TTC27: variants seen among roughly 807,000 people sequenced by gnomAD.
The protein encoded by TTC27 is tetratricopeptide repeat protein 27.
TTC27 carries 79 observed loss-of-function variants against 115.9 expected under a neutral mutation model. The ratio of observed to expected loss-of-function variants is 0.68; its 90% CI spans 0.57 to 0.82. The LOEUF is 0.82. TTC27 is among the 40% of genes least tolerant of loss of function. The probability of loss-of-function intolerance (pLI) is 0.00; values close to 1 mark genes in which losing one functional copy is unlikely to be tolerated. For missense variants in TTC27, 1,054 were observed against 993.1 expected (o/e 1.06, Z -0.82); for synonymous variants, 401 against 356.0 (o/e 1.13, Z -1.42).
At chr2:32,636,415 T>C (rs1664429581) in intron 3 of TTC27, among the ~76,000 whole-genome samples, 1 of 152,164 alleles carries the variant, frequency 6.6e-6, no homozygotes. Flanking sequence ...GGTTTCACCA[T>C]GTTGGCCAGG....
At position 32,649,970 on chromosome 2, in the gene TTC27, T is replaced by G. The variant is rs72858147; in HGVS notation, c.538-161T>G. Among the ~76,000 whole-genome samples, 1,182 of 152,156 alleles carry G rather than the reference T, an allele frequency of 7.8e-3. 23 individuals carry two copies. Among genetic ancestry groups the G allele is most frequent in the African/African-American group, 0.027 (1,115 of 41,510 alleles). ...GTTATTCTTATGGAAGACACAGATG[T>G]GGGTTTTGGTATTATTACTGAAGAG... On this transcript the variant is annotated intron_variant, in intron 4 of 19. Coordinates refer to ENST00000317907, the MANE Select transcript of TTC27 (RefSeq NM_017735.5).
intron 9 of TTC27, among the ~76,000 whole-genome samples, chr2:32,700,586 G>A (rs1293671544): frequency 2.0e-5 from 3 of 151,982 alleles, no homozygotes; most frequent in Non-Finnish European, 4.4e-5. Flanking sequence ...TGCCTAGATC[G>A]AAGTGCAGTG....
At chr2:32,639,847 A>G (rs750134209) in intron 3 of TTC27, among the ~76,000 whole-genome samples, 2 of 152,162 alleles carry the variant, frequency 1.3e-5, no homozygotes, top group African/African-American at 4.8e-5. Flanking sequence ...TACTTAAAAT[A>G]CAAAAACTTA....
chr2:32,749,254 A>G (rs1390255318), intron 12 of TTC27, among the ~76,000 whole-genome samples: 1 of 152,214 alleles, frequency 6.6e-6, no homozygotes, highest in East Asian at 1.9e-4. Flanking sequence ...TCAAATAAAG[A>G]TAGTCTTGCA....
At chr2:32,702,020 A>AAAAAAAAC (rs796361003) in intron 9 of TTC27, among the ~76,000 whole-genome samples, 4 of 145,526 alleles carry the variant, frequency 2.7e-5, no homozygotes, top group Admixed American at 6.9e-5. Flanking sequence ...CAAAAAAAAA[A>AAAAAAAAC]AAAAACAAAA....
intron 9 of TTC27, among the ~76,000 whole-genome samples, chr2:32,688,587 T>C (rs1666714782): frequency 6.6e-6 from 1 of 152,054 alleles, no homozygotes; most frequent in African/African-American, 2.4e-5. Context: ...AACCAACCAA[T>C]TAAATATGGA....
chr2:32,764,747 C>T (rs1428823748), intron 13 of TTC27, among the ~76,000 whole-genome samples: 3 of 152,242 alleles, frequency 2.0e-5, no homozygotes, highest in Admixed American at 6.5e-5. Context: ...CTTTATCAAT[C>T]AAGTTTATGT....
chr2:32,648,458 A>T (rs866506244), intron 4 of TTC27, among the ~76,000 whole-genome samples: 18 of 132,970 alleles, frequency 1.4e-4, no homozygotes, highest in South Asian at 4.9e-4. Flanking sequence ...TTTTTTTTTT[A>T]AAACAGACTT....
At chr2:32,635,661 G>A (rs1406188879) in intron 3 of TTC27, among the ~76,000 whole-genome samples, 1 of 152,146 alleles carries the variant, frequency 6.6e-6, no homozygotes, top group African/African-American at 2.4e-5. Context: ...TCCAGCCTGG[G>A]TGACAGAGTG....
intron 1 of TTC27, among the ~76,000 whole-genome samples, chr2:32,629,104 G>A (rs1326497994): frequency 1.3e-5 from 2 of 151,152 alleles, no homozygotes; most frequent in African/African-American, 4.9e-5. Context: ...GTAAGCAGAG[G>A]AGCTAAAATG....
At chr2:32,628,835 G>T (rs1427972307) in intron 1 of TTC27, among the ~76,000 whole-genome samples, 1 of 150,624 alleles carries the variant, frequency 6.6e-6, no homozygotes, top group African/African-American at 2.4e-5. Flanking sequence ...ATCTCGGCTC[G>T]CTGCAACCTC....
At chr2:32,691,237 T>C (rs1255114416) in intron 9 of TTC27, among the ~76,000 whole-genome samples, 1 of 152,122 alleles carries the variant, frequency 6.6e-6, no homozygotes, top group Non-Finnish European at 1.5e-5. Context: ...CAGTGGGAAA[T>C]TGCTAGCTGA....
chr2:32,704,359 G>T (rs1397095528), intron 10 of TTC27, among the ~76,000 whole-genome samples: 1 of 151,852 alleles, frequency 6.6e-6, no homozygotes, highest in African/African-American at 2.4e-5. Flanking sequence ...GCTAATTTTT[G>T]TATTTTTAGT....
At chr2:32,674,564 T>C (rs542032902) in intron 8 of TTC27, among the ~76,000 whole-genome samples, 1 of 152,310 alleles carries the variant, frequency 6.6e-6, no homozygotes, top group South Asian at 2.1e-4. Context: ...AATTCAGTTC[T>C]ACAGTTCCTT....
At chr2:32,709,386 C>T (rs1453767770) in intron 10 of TTC27, among the ~76,000 whole-genome samples, 1 of 152,156 alleles carries the variant, frequency 6.6e-6, no homozygotes, top group African/African-American at 2.4e-5. Context: ...CAGGTTCAGT[C>T]TCCCTTATCT....
chr2:32,780,490 G>A (rs548539353), intron 14 of TTC27, among the ~76,000 whole-genome samples: 4 of 152,090 alleles, frequency 2.6e-5, no homozygotes, highest in Non-Finnish European at 4.4e-5. Flanking sequence ...CTCAGGCTGA[G>A]GTGCAGTGGT....
In TTC27 at chr2:32,811,197, T is replaced by G. The variant is rs1422139396; in HGVS notation, c.2172T>G (p.Ser724Arg). The stretch of plus-strand genomic sequence containing the variant: ...CCCACGTATATGGAAATGGGCAGAG[T>G]GAAAAGCCTGATGAAAATGAAAAGG... ...LYAHVYGNGQSEKPDENEKAF... is the reference protein window; with the variant it reads ...LYAHVYGNGQREKPDENEKAF... Residue 724 changes from serine (S) to arginine (R), a missense_variant, in exon 17 of 20, where the codon AGT becomes AGG. Transcript: ENST00000317907. 24 of 1,613,764 alleles carry G rather than the reference T, an allele frequency of 1.5e-5. No homozygotes were observed. The highest frequency in any genetic ancestry group is 2.0e-5 in the Non-Finnish European group (24 of 1,179,862).
chr2:32,729,775 A>C (rs1187759438), intron 10 of TTC27, among the ~76,000 whole-genome samples: 1 of 151,916 alleles, frequency 6.6e-6, no homozygotes, highest in East Asian at 1.9e-4. Flanking sequence ...CTTGCTTCAA[A>C]CTGCCCTTAA....
chr2:32,750,699 A>G (rs1668980989), intron 12 of TTC27, among the ~76,000 whole-genome samples: 1 of 152,250 alleles, frequency 6.6e-6, no homozygotes, highest in Admixed American at 6.5e-5. Context: ...GGGTTTAGAT[A>G]TTGAAGCATT....
Sources: allele counts gnomAD v4.1 joint callset (sites outside exome capture counted in the v4.1 genomes callset), GRCh38; gene constraint gnomAD v4.1.1; transcripts MANE v1.5; gene names NCBI Gene and HGNC (gene_info 2026-07-23, HGNC 2026-07-21).